The following CSF2RB variants were observed in gnomAD, a reference collection of about 807,000 sequenced individuals.
CSF2RB encodes cytokine receptor common subunit beta.
A neutral mutation model predicts 67.2 loss-of-function variants in CSF2RB; 22 were observed. The observed-to-expected ratio is 0.33, with a 90% CI of 0.23 to 0.47. The LOEUF is 0.47. Ranked by LOEUF, CSF2RB falls within the 20% of genes least tolerant of loss-of-function variation. The pLI is 1.00. For missense variants in CSF2RB, 1,113 were observed against 1,174.5 expected (o/e 0.95, Z 0.76); for synonymous variants, 507 against 482.9 (o/e 1.05, Z -0.65).
rs1474776190 is a variant in CSF2RB at position 36,939,449 on chromosome 22, C to G, written c.*947C>G. On this transcript the variant is annotated 3_prime_UTR_variant, in exon 14 of 14. Transcript: ENST00000403662. ...TCTTCCAGATAGACCAGGCAACTCT[C>G]CCTCCCACCGGCCACAGATGAGGGG... 1.8e-6 allele frequency: 1 copy of G among 559,808 alleles called. No individual in the cohort carries two copies. The highest frequency in any genetic ancestry group is 1.9e-5 in the African/African-American group (1 of 53,296). 34.7% of individuals were successfully genotyped at this position (559,808 alleles called of 1,614,324 possible).
chr22:36,922,598 C>A (rs1033627636), intron 2 of CSF2RB: 6 of 518,662 alleles, frequency 1.2e-5, no homozygotes, highest in Non-Finnish European at 2.1e-5. Context: ...AGCAGACACT[C>A]TCTGTGCCTC....
chr22:36,938,389 C>G lies in CSF2RB; in HGVS notation c.2581C>G (p.Pro861Ala). The G allele has an allele frequency of 6.2e-7, 1 of 1,614,208 alleles. No homozygotes were observed. Among genetic ancestry groups the G allele is most frequent in the South Asian group, 1.1e-5 (1 of 91,088 alleles). ...CCAGGCTTTTCAAGTCAAGAAGCCC[C>G]CAGGCCAGGCTGTGCCCCAGGTGCC... ...LDQAFQVKKP[P>A]GQAVPQVPVI... Residue 861 changes from proline to alanine, a missense_variant, in exon 14 of 14, where the codon CCA (proline) becomes GCA (alanine). Pro to Ala is a conservative substitution (Grantham distance 27). Around this residue, in one of 2 missense-constraint regions of CSF2RB, gnomAD observed 554 missense variants for 517.9 expected, o/e 1.07. Transcript: ENST00000403662.
At chr22:36,921,951 TC>T in intron 1 of CSF2RB, 84 bp from the exon 2 acceptor site, 1 of 584,304 alleles carries the variant, frequency 1.7e-6, no homozygotes, top group East Asian at 2.8e-5. Context: ...GGGCCACTTC[TC>T]TGGGTTGTCC....
At position 36,939,285 on chromosome 22, in the gene CSF2RB, G is replaced by C; in HGVS notation, c.*783G>C. The C allele has an allele frequency of 1.4e-6, 1 of 701,898 alleles. No individual in the cohort carries two copies. The highest frequency in any genetic ancestry group is 2.6e-6 in the Non-Finnish European group (1 of 384,818). The allele number at this position is 701,898 out of a possible 1,614,324, so 43.5% of individuals were successfully genotyped here. ...CGGCCCAAGTGGTGGGCAGGCTGGC[G>C]GGACCTGGGGAACATCAGGAGAGGA... is the stretch of plus-strand genomic sequence containing the variant. On this transcript the variant is annotated 3_prime_UTR_variant, in exon 14 of 14. Transcript: ENST00000403662.
chr22:36,931,428 A>G (rs1569136535), intron 8 of CSF2RB, among the ~76,000 whole-genome samples: 1 of 152,366 alleles, frequency 6.6e-6, no homozygotes, highest in South Asian at 2.1e-4. Context: ...TGAATTTACC[A>G]TTAACTCTCT....
At chr22:36,935,568 T>C (rs1375781988) in intron 11 of CSF2RB, 62 bp from the exon 12 acceptor site, 13 of 1,610,788 alleles carry the variant, frequency 8.1e-6, no homozygotes, top group Non-Finnish European at 1.0e-5. Flanking sequence ...CCTCTGGGCA[T>C]GAGCATGGGA....
rs923939017 is a variant in CSF2RB at position 36,935,642 on chromosome 22, G to A, written c.1419G>A (p.Lys473=). ...CGIYGYRLRR[K]WEEKIPNPSK... ...TGGTGTCTTCCAGGCTGCGCAGAAA[G>A]TGGGAGGAGAAGATCCCCAACCCCA... The change falls in exon 12 of 14, where the codon AAG becomes AAA. Residue 473 remains lysine, a synonymous_variant. Transcript: ENST00000403662. 1.4e-5 allele frequency: 22 copies of A among 1,614,094 alleles called. No homozygotes were observed. Among genetic ancestry groups the A allele is most frequent in the Non-Finnish European group, 1.9e-5 (22 of 1,180,050 alleles).
intron 1 of CSF2RB, among the ~76,000 whole-genome samples, chr22:36,919,568 T>G (rs1024416936): frequency 2.2e-4 from 4 of 18,048 alleles, no homozygotes; most frequent in Non-Finnish European, 4.0e-4. Context: ...TGGCCAGCTA[T>G]TTTTTTTTTT....
intron 3 of CSF2RB, 31 bp downstream of exon 3, chr22:36,923,398 C>T (rs1223513725): frequency 1.9e-6 from 3 of 1,609,306 alleles, no homozygotes; most frequent in Admixed American, 1.7e-5. Context: ...GGGCCACGGG[C>T]AGGGGCTACG....
At chr22:36,930,554 G>T in intron 7 of CSF2RB, 44 bp downstream of exon 7, 2 of 1,611,872 alleles carry the variant, frequency 1.2e-6, no homozygotes, top group Non-Finnish European at 8.5e-7. Context: ...TCTTGGCCTT[G>T]CTCTCTCCAA....
At chr22:36,913,835 A>G (rs1027806356) in intron 1 of CSF2RB, among the ~76,000 whole-genome samples, 158 bp downstream of exon 1, 1 of 151,970 alleles carries the variant, frequency 6.6e-6, no homozygotes, top group Non-Finnish European at 1.5e-5. Flanking sequence ...GCCTCTTAGG[A>G]TGACCTGAGC....
intron 9 of CSF2RB, 23 bp downstream of exon 9, chr22:36,932,927 G>A (rs775759723): frequency 3.7e-6 from 6 of 1,613,156 alleles, no homozygotes; most frequent in African/African-American, 2.7e-5. Flanking sequence ...GCCCAGGGAG[G>A]GGAGAAACAC....
chr22:36,928,367 A>G (rs1941071073), intron 4 of CSF2RB, among the ~76,000 whole-genome samples: 1 of 152,042 alleles, frequency 6.6e-6, no homozygotes, highest in African/African-American at 2.4e-5. Context: ...CCTCCATGAC[A>G]GCCTCGGGGG....
intron 1 of CSF2RB, among the ~76,000 whole-genome samples, chr22:36,918,612 A>T (rs896932410): frequency 1.3e-4 from 20 of 152,208 alleles, no homozygotes; most frequent in African/African-American, 4.6e-4. Flanking sequence ...AAAATATTTT[A>T]AAAAGGAGTC....
chr22:36,923,392 C>T, intron 3 of CSF2RB, 25 bp downstream of exon 3: 2 of 1,611,362 alleles, frequency 1.2e-6, no homozygotes, highest in East Asian at 2.2e-5. Context: ...GGGCAGGGGC[C>T]ACGGGCAGGG....
chr22:36,935,807 G>T, intron 12 of CSF2RB, 120 bp downstream of exon 12: 6 of 1,145,314 alleles, frequency 5.2e-6, no homozygotes, highest in Non-Finnish European at 3.8e-6. Context: ...AGGTGGACTG[G>T]GCTTTGGGAG....
chr22:36,924,893 C>T (rs1462309862), intron 3 of CSF2RB, among the ~76,000 whole-genome samples: 1 of 152,182 alleles, frequency 6.6e-6, no homozygotes, highest in African/African-American at 2.4e-5. Flanking sequence ...AGTCCATGGA[C>T]CTCCTCTCTG....
Position 36,932,912 on chromosome 22 carries a change from C to G in CSF2RB, c.1152+8C>G, listed in dbSNP as rs1941182216. ...GACACGGCCACGTGGAAGGTGAGGG[C>G]CTTTGCCCAGGGAGGGGAGAAACAC... On this transcript the variant is annotated splice_region_variant and intron_variant, in intron 9 of 13. Transcript: ENST00000403662. The G allele has an allele frequency of 2.5e-6, 4 of 1,613,908 alleles. No homozygotes were observed. Among genetic ancestry groups the G allele is most frequent in the Non-Finnish European group, 3.4e-6 (4 of 1,179,948 alleles).
chr22:36,930,417 G>C lies in CSF2RB; in HGVS notation c.761G>C (p.Gly254Ala). 2 of 1,613,666 alleles carry C rather than the reference G, an allele frequency of 1.2e-6. No homozygotes were observed. The highest frequency in any genetic ancestry group is 1.7e-6 in the Non-Finnish European group (2 of 1,180,032). The change falls in exon 7 of 14, where the codon GGG becomes GCG. Residue 254 changes from glycine to alanine, a missense_variant. By Grantham distance (60) the Gly-to-Ala change is moderately conservative (BLOSUM62 0). This residue lies in a region of CSF2RB where 559 missense variants were observed against 656.5 expected (regional missense o/e 0.85). Coordinates refer to ENST00000403662, the MANE Select transcript of CSF2RB (RefSeq NM_000395.3). ...QPQNLECFFD[G>A]AAVLSCSWEV... ...CAGAACCTGGAGTGCTTCTTTGACG[G>C]GGCCGCCGTGCTCAGCTGCTCCTGG...
Sources: allele counts gnomAD v4.1 joint callset (sites outside exome capture counted in the v4.1 genomes callset), GRCh38; gene constraint gnomAD v4.1.1; regional missense constraint gnomAD v4.1.1; transcripts MANE v1.5; gene names NCBI Gene and HGNC (gene_info 2026-07-23, HGNC 2026-07-21).